FHIT: variants seen among roughly 807,000 people sequenced by gnomAD.
FHIT encodes the protein fragile histidine triad diadenosine triphosphatase.
FHIT carries 19 observed loss-of-function variants against 17.9 expected under a neutral mutation model. That is an observed-to-expected ratio of 1.06 (90% CI 0.74 to 1.56). The LOEUF is 1.56. Ranked by LOEUF, FHIT falls within the 40% of genes most tolerant of loss-of-function variation. FHIT has a pLI of 0.00. For synonymous variants in FHIT, 81 were observed against 69.7 expected (o/e 1.16, Z -0.81); for missense variants, 248 against 189.2 (o/e 1.31, Z -1.82).
chr3:60,744,270 A>AAAAAAAAAAAAAAAAAAAAAC (rs1577150242), intron 4 of FHIT, among the ~76,000 whole-genome samples: 5 of 22,518 alleles, frequency 2.2e-4, no homozygotes, highest in African/African-American at 5.9e-4. Flanking sequence ...AAACAAAACA[A>AAAAAAAAAAAAAAAAAAAAAC]AAAAAAAAAA....
At chr3:60,620,643 G>T (rs1191200623) in intron 4 of FHIT, among the ~76,000 whole-genome samples, 2 of 152,020 alleles carry the variant, frequency 1.3e-5, no homozygotes, top group African/African-American at 4.8e-5. Context: ...AGGGCTCAGA[G>T]GAGGGGGAGG....
chr3:61,134,132 A>ACACACACACACACACACAC (rs1455630506), intron 2 of FHIT, among the ~76,000 whole-genome samples: 2 of 37,276 alleles, frequency 5.4e-5, no homozygotes, highest in African/African-American at 1.2e-4. Flanking sequence ...CACACACACA[A>ACACACACACACACACACAC]AGAGGTCAAG....
chr3:60,439,211 G>C (rs1301425109), intron 5 of FHIT, among the ~76,000 whole-genome samples: 1 of 152,138 alleles, frequency 6.6e-6, no homozygotes, highest in Admixed American at 6.6e-5. Flanking sequence ...TGAGAAAGTA[G>C]AGGTGAGACT....
rs1480032850 is a variant in FHIT, at chr3:59,986,709, A to AATATATATATATTTATATAAAT, written c.279+24661_279+24662insATTTATATAAATATATATATAT. ...ATTTAGTTTTATATATATTTATATA[A>AATATATATATATTTATATAAAT]ATATATACATATATTTATATAAATA... On this transcript the variant is annotated intron_variant, in intron 7 of 9. Transcript: ENST00000492590. Among the ~76,000 whole-genome samples, 9 of 32,976 alleles carry AATATATATATATTTATATAAAT rather than the reference A, an allele frequency of 2.7e-4. 2 individuals carry two copies. Among genetic ancestry groups the AATATATATATATTTATATAAAT allele is most frequent in the African/African-American group, 1.6e-3 (9 of 5,744 alleles). The allele number at this position is 32,976 out of a possible 152,430, so 21.6% of individuals were successfully genotyped here. A position where few individuals can be genotyped will look rare whatever the true frequency, so the allele number is the denominator to read the frequency against.
At chr3:59,793,231 G>GCTA (rs1487718172) in intron 8 of FHIT, among the ~76,000 whole-genome samples, 1 of 152,166 alleles carries the variant, frequency 6.6e-6, no homozygotes, top group Non-Finnish European at 1.5e-5. Flanking sequence ...CAGGTAAGAA[G>GCTA]CTACTATTAA....
At chr3:59,829,002 A>G (rs1156475887) in intron 8 of FHIT, among the ~76,000 whole-genome samples, 2 of 152,202 alleles carry the variant, frequency 1.3e-5, no homozygotes, top group Non-Finnish European at 2.9e-5. Context: ...TAGTTTAAGC[A>G]CAATGACTTT....
At chr3:61,206,534 C>T (rs1379607758) in intron 1 of FHIT, among the ~76,000 whole-genome samples, 1 of 152,076 alleles carries the variant, frequency 6.6e-6, no homozygotes, top group Non-Finnish European at 1.5e-5. Flanking sequence ...GGTCCTTCCC[C>T]TCCCTTGTAA....
chr3:60,410,845 C>T (rs1702033655), intron 5 of FHIT, among the ~76,000 whole-genome samples: 1 of 152,118 alleles, frequency 6.6e-6, no homozygotes, highest in African/African-American at 2.4e-5. Flanking sequence ...TTAATGACTT[C>T]CTGCAAACAC....
chr3:60,712,754 C>A, intron 4 of FHIT, among the ~76,000 whole-genome samples: 1 of 145,996 alleles, frequency 6.8e-6, no homozygotes, highest in Non-Finnish European at 1.5e-5. Context: ...GCACCCAATA[C>A]AGGAGCACCC....
chr3:60,145,468 A>C (rs1198100911), intron 5 of FHIT, among the ~76,000 whole-genome samples: 1 of 152,196 alleles, frequency 6.6e-6, no homozygotes, highest in Non-Finnish European at 1.5e-5. Context: ...TTTCCAATGC[A>C]TTTTGCCTCC....
intron 5 of FHIT, among the ~76,000 whole-genome samples, chr3:60,222,407 C>A (rs1704003726): frequency 6.6e-6 from 1 of 152,186 alleles, no homozygotes; most frequent in Non-Finnish European, 1.5e-5. Context: ...CAGGTACCAA[C>A]TTTCACTCAA....
intron 7 of FHIT, among the ~76,000 whole-genome samples, chr3:59,941,197 T>C (rs1317343143): frequency 6.6e-6 from 1 of 152,220 alleles, no homozygotes; most frequent in Non-Finnish European, 1.5e-5. Flanking sequence ...TGAAGACATG[T>C]TCTTTTGTGT....
chr3:61,066,784 G>A (rs1016604596), intron 2 of FHIT, among the ~76,000 whole-genome samples: 1 of 152,192 alleles, frequency 6.6e-6, no homozygotes, highest in Non-Finnish European at 1.5e-5. Flanking sequence ...CAAGGGCATA[G>A]GTTTGGGTAG....
intron 5 of FHIT, among the ~76,000 whole-genome samples, chr3:60,082,991 T>C (rs919461706): frequency 6.6e-6 from 1 of 152,100 alleles, no homozygotes; most frequent in African/African-American, 2.4e-5. Flanking sequence ...TGTTAAATTG[T>C]GTTTATGTTA....
chr3:60,438,468 T>A (rs1156712217), intron 5 of FHIT, among the ~76,000 whole-genome samples: 1 of 152,100 alleles, frequency 6.6e-6, no homozygotes, highest in Non-Finnish European at 1.5e-5. Flanking sequence ...CAGCCCACCC[T>A]GAATTCTCTG....
chr3:59,928,624 C>G (rs1479676366), intron 7 of FHIT, among the ~76,000 whole-genome samples: 1 of 152,166 alleles, frequency 6.6e-6, no homozygotes, highest in African/African-American at 2.4e-5. Context: ...TAAATGAATA[C>G]ATGAAAAGAT....
intron 5 of FHIT, among the ~76,000 whole-genome samples, chr3:60,383,421 A>G (rs1001351143): frequency 6.6e-6 from 1 of 152,154 alleles, no homozygotes; most frequent in Non-Finnish European, 1.5e-5. Context: ...ATATTTGGCA[A>G]TGTCTACTGA....
chr3:61,077,495 C>A (rs372532637), intron 2 of FHIT, among the ~76,000 whole-genome samples: 3 of 151,856 alleles, frequency 2.0e-5, no homozygotes, highest in African/African-American at 7.3e-5. Flanking sequence ...CAAAAAAAAA[C>A]AGCCATGCCA....
rs1559778369 is a variant in FHIT, at chr3:60,860,240, GGTATACATGAGATACATCATAT to G, written c.-110-38251_-110-38230del. 4.2e-3 allele frequency among the ~76,000 whole-genome samples: 319 copies of G among 76,578 alleles called. 3 individuals carry two copies. Among genetic ancestry groups the G allele is most frequent in the East Asian group, 0.012 (45 of 3,806 alleles). 50.2% of individuals were successfully genotyped at this position (76,578 alleles called of 152,430 possible). On this transcript the variant is annotated intron_variant, in intron 3 of 9. Transcript: ENST00000492590. ...CATGAGATACATCATATGTATATAT[GGTATACATGAGATACATCATAT>G]GTATACATGAGATACATCATATGTA...
Sources: allele counts gnomAD v4.1 joint callset (sites outside exome capture counted in the v4.1 genomes callset), GRCh38; gene constraint gnomAD v4.1.1; transcripts MANE v1.5; gene names NCBI Gene and HGNC (gene_info 2026-07-23, HGNC 2026-07-21).